The following L3MBTL4 variants were observed in gnomAD, a reference collection of about 807,000 sequenced individuals.
L3MBTL4 encodes L3MBTL histone methyl-lysine binding protein 4, also known as lethal(3)malignant brain tumor-like protein 4.
In L3MBTL4, 70 loss-of-function variants were observed where a neutral mutation model predicts 84.5. That is an observed-to-expected ratio of 0.83 (90% CI 0.68 to 1.01). L3MBTL4 has a LOEUF of 1.01. L3MBTL4 is among the 50% of genes least tolerant of loss of function. L3MBTL4 has a pLI of 0.00. For synonymous variants in L3MBTL4, 274 were observed against 259.8 expected (o/e 1.05, Z -0.52); for missense variants, 715 against 754.8 (o/e 0.95, Z 0.62).
chr18:6,308,846 A>G (rs1427722160), intron 3 of L3MBTL4, among the ~76,000 whole-genome samples: 2 of 152,212 alleles, frequency 1.3e-5, no homozygotes, highest in African/African-American at 4.8e-5. Context: ...GTGAGGGGAT[A>G]CGGTGGATAA....
At chr18:6,308,434 T>C (rs1312197164) in intron 3 of L3MBTL4, among the ~76,000 whole-genome samples, 1 of 152,182 alleles carries the variant, frequency 6.6e-6, no homozygotes, top group Non-Finnish European at 1.5e-5. Flanking sequence ...ACTGCAGTGA[T>C]AGTACCTATG....
intron 14 of L3MBTL4, 124 bp downstream of exon 14, chr18:6,138,070 C>T: frequency 1.8e-6 from 1 of 556,466 alleles, no homozygotes; most frequent in Middle Eastern, 4.7e-4. Flanking sequence ...CTCAGCAACA[C>T]AGAGGTGGGA....
intron 16 of L3MBTL4, among the ~76,000 whole-genome samples, chr18:5,995,717 A>G (rs1326231171): frequency 6.6e-6 from 1 of 152,218 alleles, no homozygotes; most frequent in Non-Finnish European, 1.5e-5. Flanking sequence ...GTAAAATGAC[A>G]GCAGAGGAGA....
intron 16 of L3MBTL4, among the ~76,000 whole-genome samples, chr18:5,979,420 C>T (rs2053108918): frequency 6.6e-6 from 1 of 152,180 alleles, no homozygotes; most frequent in African/African-American, 2.4e-5. Flanking sequence ...ATGGAATGAT[C>T]CCTGCCAGAG....
At chr18:6,067,958 T>C (rs1320483822) in intron 16 of L3MBTL4, among the ~76,000 whole-genome samples, 1 of 152,200 alleles carries the variant, frequency 6.6e-6, no homozygotes, top group East Asian at 1.9e-4. Flanking sequence ...GATTTGACTG[T>C]GTTTTTTTCT....
intron 12 of L3MBTL4, among the ~76,000 whole-genome samples, chr18:6,178,994 A>G (rs1366252161): frequency 7.2e-5 from 11 of 152,230 alleles, no homozygotes; most frequent in Admixed American, 7.2e-4. Flanking sequence ...CATTGTCTGA[A>G]TAAGATGCAA....
At chr18:6,338,297 A>G (rs1272362880) in intron 1 of L3MBTL4, among the ~76,000 whole-genome samples, 1 of 152,072 alleles carries the variant, frequency 6.6e-6, no homozygotes, top group Admixed American at 6.6e-5. Context: ...ATGATCCCCA[A>G]CAGAACACAG....
At chr18:6,077,611 C>T (rs1331493474) in intron 16 of L3MBTL4, among the ~76,000 whole-genome samples, 1 of 151,640 alleles carries the variant, frequency 6.6e-6, no homozygotes, top group African/African-American at 2.4e-5. Flanking sequence ...ATATAAAAAA[C>T]AGAATCTGCG....
chr18:6,101,996 T>G (rs536279567), intron 14 of L3MBTL4, among the ~76,000 whole-genome samples: 1 of 152,336 alleles, frequency 6.6e-6, no homozygotes, highest in Non-Finnish European at 1.5e-5. Flanking sequence ...ACCTAAGCTC[T>G]GGTCACATCA....
chr18:6,022,685 GT>G (rs2055324758), intron 16 of L3MBTL4, among the ~76,000 whole-genome samples: 2 of 152,208 alleles, frequency 1.3e-5, no homozygotes, highest in Non-Finnish European at 2.9e-5. Context: ...TTAATTTGTT[GT>G]TGATTTGAGA....
At chr18:6,377,675 G>A (rs1439637248) in intron 1 of L3MBTL4, among the ~76,000 whole-genome samples, 1 of 152,132 alleles carries the variant, frequency 6.6e-6, no homozygotes, top group Non-Finnish European at 1.5e-5. Context: ...TGGCTGCATA[G>A]TATTCCATGA....
chr18:6,117,658 A>C (rs2059398826), intron 14 of L3MBTL4, among the ~76,000 whole-genome samples: 1 of 152,254 alleles, frequency 6.6e-6, no homozygotes, highest in Non-Finnish European at 1.5e-5. Context: ...CATCTAAAAA[A>C]TTGGAGATAA....
chr18:6,035,072 C>T (rs1232077637), intron 16 of L3MBTL4, among the ~76,000 whole-genome samples: 50 of 151,684 alleles, frequency 3.3e-4, no homozygotes, highest in Middle Eastern at 3.4e-3. Context: ...GAGTAGGTTG[C>T]GAAAATTTTC....
intron 11 of L3MBTL4, among the ~76,000 whole-genome samples, chr18:6,214,062 G>T (rs566036232): frequency 2.0e-5 from 3 of 152,172 alleles, no homozygotes; most frequent in African/African-American, 7.2e-5. Flanking sequence ...AATATGCTTA[G>T]ATAAAAGCTG....
intron 16 of L3MBTL4, among the ~76,000 whole-genome samples, chr18:5,979,331 G>A (rs1443224494): frequency 6.6e-6 from 1 of 152,074 alleles, no homozygotes; most frequent in Non-Finnish European, 1.5e-5. Context: ...AGGCTCATGT[G>A]GACACACAGC....
At chr18:6,320,033 A>C (rs2051322643) in intron 1 of L3MBTL4, among the ~76,000 whole-genome samples, 1 of 152,020 alleles carries the variant, frequency 6.6e-6, no homozygotes, top group African/African-American at 2.4e-5. Flanking sequence ...CAAAATTAAA[A>C]ACAAAAGCCA....
At chr18:6,049,885 T>C (rs2056779506) in intron 16 of L3MBTL4, among the ~76,000 whole-genome samples, 1 of 152,218 alleles carries the variant, frequency 6.6e-6, no homozygotes, top group Admixed American at 6.5e-5. Context: ...TTGAAATTAT[T>C]TTGAAAAAGG....
At chr18:6,344,649 G>A (rs1428128105) in intron 1 of L3MBTL4, among the ~76,000 whole-genome samples, 1 of 152,000 alleles carries the variant, frequency 6.6e-6, no homozygotes, top group Non-Finnish European at 1.5e-5. Flanking sequence ...CAAAATACTG[G>A]CAAATTTAAC....
chr18:6,219,920 G>A (rs2046479447), intron 10 of L3MBTL4, among the ~76,000 whole-genome samples: 1 of 152,064 alleles, frequency 6.6e-6, no homozygotes, highest in South Asian at 2.1e-4. Flanking sequence ...GCTGGGATCA[G>A]CTGGACATGG....
Sources: gnomAD v4.1 joint callset for allele counts (sites outside exome capture counted in the v4.1 genomes callset) on GRCh38, gnomAD v4.1.1 for gene constraint, MANE v1.5 for transcripts, NCBI Gene and HGNC (gene_info 2026-07-23, HGNC 2026-07-21) for gene names.